The following EPC2 variants were observed in gnomAD, a reference collection of about 807,000 sequenced individuals.
EPC2 encodes enhancer of polycomb homolog 2.
Under a neutral mutation model 92.1 loss-of-function variants are expected in EPC2, and 14 were observed. The ratio of observed to expected loss-of-function variants is 0.15; its 90% confidence interval spans 0.10 to 0.24. EPC2 has a LOEUF of 0.24. EPC2 is among the 10% of genes least tolerant of loss of function. EPC2 has a pLI of 1.00. For synonymous variants in EPC2, 340 were observed against 334.7 expected, an observed-to-expected ratio of 1.02 and a Z score of -0.17; for missense variants, 755 against 971.5, an observed-to-expected ratio of 0.78 and a Z score of 2.96.
chr2:148,728,435 C>G (rs1682541430), intron 2 of EPC2, among the ~76,000 whole-genome samples: 1 of 151,410 alleles, frequency 6.6e-6, no homozygotes, highest in African/African-American at 2.4e-5. Flanking sequence ...CGTTTATTAT[C>G]CAGTTTCCTA....
intron 2 of EPC2, among the ~76,000 whole-genome samples, chr2:148,713,653 GTA>G (rs1682199854): frequency 6.6e-6 from 1 of 152,024 alleles, no homozygotes; most frequent in African/African-American, 2.4e-5. Flanking sequence ...GCCCTATACA[GTA>G]TATACCATTT....
chr2:148,691,090 C>T (rs1681636350), intron 2 of EPC2, among the ~76,000 whole-genome samples: 1 of 152,124 alleles, frequency 6.6e-6, no homozygotes, highest in African/African-American at 2.4e-5. Flanking sequence ...GTTCTGCCTC[C>T]TTAATACTCT....
chr2:148,738,645 TG>T (rs1353997274), intron 2 of EPC2, among the ~76,000 whole-genome samples: 2 of 152,198 alleles, frequency 1.3e-5, no homozygotes, highest in Non-Finnish European at 2.9e-5. Context: ...AAAGGACATA[TG>T]ATGGAGACTG....
At chr2:148,713,144 AT>A (rs1244768748) in intron 2 of EPC2, among the ~76,000 whole-genome samples, 1 of 152,210 alleles carries the variant, frequency 6.6e-6, no homozygotes, top group African/African-American at 2.4e-5. Context: ...TCCTCTACTT[AT>A]CAAAAATTGT....
intron 2 of EPC2, among the ~76,000 whole-genome samples, chr2:148,708,561 A>G (rs761681861): frequency 2.8e-4 from 43 of 152,214 alleles, no homozygotes; most frequent in Non-Finnish European, 4.6e-4. Flanking sequence ...TTTTAGACCA[A>G]TATCCCTGAT....
chr2:148,753,984 G>T lies in EPC2; in HGVS notation c.517G>T (p.Ala173Ser), dbSNP rs767407714. The part of the protein sequence containing the change: ...LLNEDDYLIK[A>S]VYDYWVRKRK... ...AAACGAAGATGATTACCTTATTAAAGCTGTATATGACTACTGGGTGAGAAA... is the reference window on the plus strand; with the variant it reads ...AAACGAAGATGATTACCTTATTAAATCTGTATATGACTACTGGGTGAGAAA... Residue 173 changes from alanine to serine, a missense_variant, in exon 4 of 14, where the codon GCT (alanine) becomes TCT (serine). This residue lies in a region of EPC2 where 509 missense variants were observed against 607.7 expected (regional missense o/e 0.84). Transcript: ENST00000258484. 16 of 1,612,152 alleles carry T rather than the reference G, an allele frequency of 9.9e-6. No individual in the cohort carries two copies. The highest frequency in any genetic ancestry group is 1.4e-5 in the Non-Finnish European group (16 of 1,179,166).
chr2:148,765,134 T>C lies in EPC2; in HGVS notation c.1128T>C (p.Asp376=). 1 of 1,554,060 alleles carries C rather than the reference T, an allele frequency of 6.4e-7. No homozygotes were observed. The highest frequency in any genetic ancestry group is 1.3e-5 in the South Asian group (1 of 78,142). The change falls in exon 7 of 14, where the codon GAT becomes GAC. Residue 376 remains aspartate, a synonymous_variant. Transcript: ENST00000258484. ...KQYDFHSSDE[D]EFPQVLSPVS... ...ATGATTTTCACAGCTCAGATGAAGA[T>C]GAATTTCCACAGGTGCTTGTTTTAA...
intron 2 of EPC2, among the ~76,000 whole-genome samples, chr2:148,698,371 C>T (rs931757861): frequency 2.0e-5 from 3 of 152,130 alleles, no homozygotes; most frequent in Non-Finnish European, 2.9e-5. Flanking sequence ...GGCGCAGTGG[C>T]TCGTGCCTGT....
At chr2:148,712,325 A>G (rs1351034205) in intron 2 of EPC2, among the ~76,000 whole-genome samples, 1 of 152,094 alleles carries the variant, frequency 6.6e-6, no homozygotes, top group Non-Finnish European at 1.5e-5. Context: ...AAGTAGCACT[A>G]TAATGCTTCA....
chr2:148,657,876 C>CA (rs1396444330), intron 1 of EPC2, among the ~76,000 whole-genome samples: 2 of 146,592 alleles, frequency 1.4e-5, no homozygotes, highest in Non-Finnish European at 3.0e-5. Context: ...TTTTGACTAT[C>CA]ACTCATTTTG....
At chr2:148,735,100 G>A (rs570984508) in intron 2 of EPC2, among the ~76,000 whole-genome samples, 1 of 152,066 alleles carries the variant, frequency 6.6e-6, no homozygotes, top group South Asian at 2.1e-4. Flanking sequence ...TGAATATAAT[G>A]TTATGAATGG....
At chr2:148,714,883 T>G (rs1418423801) in intron 2 of EPC2, among the ~76,000 whole-genome samples, 1 of 152,234 alleles carries the variant, frequency 6.6e-6, no homozygotes, top group Non-Finnish European at 1.5e-5. Context: ...TGAGAGTTTC[T>G]TTTGCTGTGC....
chr2:148,772,705 G>A (rs1290198504), intron 10 of EPC2, among the ~76,000 whole-genome samples: 2 of 152,168 alleles, frequency 1.3e-5, no homozygotes, highest in Admixed American at 6.5e-5. Flanking sequence ...TAAAGTTCAT[G>A]AGTCTGTGAA....
chr2:148,666,604 T>C (rs1468287491), intron 1 of EPC2, among the ~76,000 whole-genome samples: 2 of 152,244 alleles, frequency 1.3e-5, no homozygotes, highest in Non-Finnish European at 2.9e-5. Flanking sequence ...TGCTTTAAAC[T>C]CCTAAATGCT....
intron 2 of EPC2, among the ~76,000 whole-genome samples, chr2:148,698,825 T>C (rs987159513): frequency 4.5e-5 from 2 of 44,300 alleles, no homozygotes; most frequent in African/African-American, 1.3e-4. Flanking sequence ...TTGTATTTTC[T>C]TCCCTTTTTT....
chr2:148,763,420 G>A (rs1320512907), intron 6 of EPC2, among the ~76,000 whole-genome samples: 1 of 152,036 alleles, frequency 6.6e-6, no homozygotes, highest in African/African-American at 2.4e-5. Flanking sequence ...TATTTAATTG[G>A]GAAATATGAA....
At chr2:148,777,064 T>A (rs1251593416) in intron 10 of EPC2, among the ~76,000 whole-genome samples, 1 of 151,940 alleles carries the variant, frequency 6.6e-6, no homozygotes, top group Non-Finnish European at 1.5e-5. Flanking sequence ...TTCACCATGT[T>A]GCCCAGGCTA....
Position 148,656,977 on chromosome 2 carries a change from C to G in EPC2, c.153+11807C>G, listed in dbSNP as rs547208039. 2.0e-5 allele frequency among the ~76,000 whole-genome samples: 3 copies of G among 152,038 alleles called. No homozygotes were observed. The South Asian group carries it at 6.2e-4, about 32-fold the overall frequency. ...TTACAGATTAGTCTTGAAATGATTC[C>G]TGTATGCCAGAATGCCATGAGTTTT... On this transcript the variant is annotated intron_variant, in intron 1 of 13. Coordinates refer to ENST00000258484, the MANE Select transcript of EPC2 (RefSeq NM_015630.4).
chr2:148,756,274 T>A (rs1026756198), intron 4 of EPC2, among the ~76,000 whole-genome samples: 1 of 152,220 alleles, frequency 6.6e-6, no homozygotes, highest in African/African-American at 2.4e-5. Flanking sequence ...TACTTTTTAT[T>A]CCTTTCTGTT....
Sources: allele counts gnomAD v4.1 joint callset (sites outside exome capture counted in the v4.1 genomes callset), GRCh38; gene constraint gnomAD v4.1.1; regional missense constraint gnomAD v4.1.1; transcripts MANE v1.5; gene names NCBI Gene and HGNC (gene_info 2026-07-23, HGNC 2026-07-21).